The following ZBTB44 variants were observed in gnomAD, a reference collection of about 807,000 sequenced individuals.
ZBTB44 encodes the protein zinc finger and BTB domain-containing protein 44.
In ZBTB44, 15 loss-of-function variants were observed where a neutral mutation model predicts 54.0. The observed-to-expected ratio is 0.28, with a 90% CI of 0.19 to 0.43. The LOEUF (loss-of-function observed/expected upper bound fraction) is 0.43, where lower values mean the gene tolerates loss of function less well. Among genes scored for constraint, ZBTB44 ranks in the 20% least tolerant of loss-of-function variants. ZBTB44 has a pLI of 1.00. For synonymous variants in ZBTB44, 230 were observed against 250.1 expected, an observed-to-expected ratio of 0.92 and a Z score of 0.76; for missense variants, 487 against 707.1, an observed-to-expected ratio of 0.69 and a Z score of 3.53.
At chr11:130,259,044 C>T (rs1938653172) in intron 2 of ZBTB44, among the ~76,000 whole-genome samples, 1 of 152,166 alleles carries the variant, frequency 6.6e-6, no homozygotes, top group Non-Finnish European at 1.5e-5. Context: ...TCTTCAAGAA[C>T]TACAAACCAC....
At chr11:130,272,157 G>C (rs1939719666) in intron 1 of ZBTB44, among the ~76,000 whole-genome samples, 1 of 152,020 alleles carries the variant, frequency 6.6e-6, no homozygotes, top group Admixed American at 6.6e-5. Flanking sequence ...GCTTGAATCT[G>C]GGAGGCGGAG....
At chr11:130,234,615 C>G (rs943167410) in intron 5 of ZBTB44, among the ~76,000 whole-genome samples, 1 of 152,132 alleles carries the variant, frequency 6.6e-6, no homozygotes, top group Non-Finnish European at 1.5e-5. Context: ...CAAAGATCAT[C>G]TGAGTAACTT....
chr11:130,279,166 A>C (rs1266675397), intron 1 of ZBTB44, among the ~76,000 whole-genome samples: 1 of 151,624 alleles, frequency 6.6e-6, no homozygotes, highest in Non-Finnish European at 1.5e-5. Flanking sequence ...CACTTCCCCA[A>C]CCTCCACAAT....
intron 1 of ZBTB44, chr11:130,296,508 G>T: frequency 1.1e-6 from 1 of 913,634 alleles, no homozygotes; most frequent in South Asian, 1.5e-5. Flanking sequence ...GTGGCAAGAG[G>T]ACTGGACATT....
rs902424771 is a variant in ZBTB44 at position 130,229,413 on chromosome 11, G to A, written c.*2351C>T. 1 of 152,130 alleles carries A rather than the reference G, an allele frequency of 6.6e-6. No individual in the cohort carries two copies. The highest frequency in any genetic ancestry group is 2.4e-5 in the African/African-American group (1 of 41,448). The allele number at this position is 152,130 out of a possible 1,614,324, so 9.4% of individuals were successfully genotyped here. ...AACATCCAGAGAGCGACTGTTCTTA[G>A]TTGAGCCTGGGATTGAATCAATTCC... On this transcript the variant is annotated 3_prime_UTR_variant, in exon 8 of 8. Transcript: ENST00000357899.
chr11:130,255,703 T>C (rs1938374055), intron 2 of ZBTB44, among the ~76,000 whole-genome samples: 1 of 151,688 alleles, frequency 6.6e-6, no homozygotes, highest in Non-Finnish European at 1.5e-5. Context: ...CAATAAAAAA[T>C]GATAAAAGGG....
Position 130,277,087 on chromosome 11 carries a change from T to TA in ZBTB44, c.-56-15159dup, listed in dbSNP as rs138272899. On this transcript the variant is annotated intron_variant, in intron 1 of 7. Transcript: ENST00000357899. ...AGCTGGATAATGCTGTTTATAAACTTAGTCTGACAATCTCTGTCTTTTGAT... is the reference window on the plus strand; with the variant it reads ...AGCTGGATAATGCTGTTTATAAACTTAAGTCTGACAATCTCTGTCTTTTGAT... Among the ~76,000 whole-genome samples, 292 of 152,342 alleles carry TA rather than the reference T, an allele frequency of 1.9e-3. 3 individuals carry two copies. The highest frequency in any genetic ancestry group is 6.7e-3 in the African/African-American group (278 of 41,582).
chr11:130,303,654 A>C (rs1942104036), intron 1 of ZBTB44, among the ~76,000 whole-genome samples: 1 of 152,136 alleles, frequency 6.6e-6, no homozygotes, highest in Non-Finnish European at 1.5e-5. Flanking sequence ...CAAAACCAAA[A>C]CAAAAAAACC....
intron 1 of ZBTB44, among the ~76,000 whole-genome samples, chr11:130,265,684 A>G (rs1939199854): frequency 6.6e-6 from 1 of 152,234 alleles, no homozygotes; most frequent in Non-Finnish European, 1.5e-5. Context: ...TATTGCTGAC[A>G]TGCAGAAAGT....
Position 130,261,112 on chromosome 11 carries a change from T to C in ZBTB44, c.762A>G (p.Leu254=), listed in dbSNP as rs1256385865. ...CGGTCTCAGATGGGCCAGGTAATTC[T>C]AAAGTCCGGGTATTTTCTGCTTGCT... The part of the protein sequence containing the change: ...KVKQAENTRT[L]ELPGPSETGR... Residue 254 remains leucine (L), a synonymous_variant, in exon 2 of 8, where the codon TTA becomes TTG. Transcript: ENST00000357899. This position sits in a 1 kb window ranked among gnomAD's most constrained non-coding sequence, Gnocchi z 4.8. 1.2e-6 allele frequency: 2 copies of C among 1,613,934 alleles called. No individual in the cohort carries two copies. Among genetic ancestry groups the C allele is most frequent in the African/African-American group, 2.7e-5 (2 of 74,952 alleles).
chr11:130,303,612 G>A (rs982991199), intron 1 of ZBTB44, among the ~76,000 whole-genome samples: 1 of 151,988 alleles, frequency 6.6e-6, no homozygotes, highest in Non-Finnish European at 1.5e-5. Context: ...TCCGGCCTGG[G>A]CAACAAGAGC....
chr11:130,240,040 C>CCT, intron 2 of ZBTB44, 144 bp from the exon 3 acceptor site: 1 of 370,986 alleles, frequency 2.7e-6, no homozygotes, highest in Non-Finnish European at 4.8e-6. Context: ...TAGTGTTCTA[C>CCT]ATTTTTTTTT....
intron 1 of ZBTB44, among the ~76,000 whole-genome samples, chr11:130,263,394 G>A (rs114905315): frequency 9.6e-4 from 146 of 152,268 alleles, no homozygotes; most frequent in African/African-American, 3.2e-3. Flanking sequence ...TATATAAAGC[G>A]TTTTGTTCAT....
intron 2 of ZBTB44, among the ~76,000 whole-genome samples, chr11:130,247,474 T>G (rs1937627582): frequency 6.6e-6 from 1 of 152,196 alleles, no homozygotes; most frequent in Non-Finnish European, 1.5e-5. Flanking sequence ...TTGAAAATAT[T>G]TTGGTTATTC....
intron 1 of ZBTB44, among the ~76,000 whole-genome samples, chr11:130,307,655 T>C (rs1942353565): frequency 6.6e-6 from 1 of 152,150 alleles, no homozygotes; most frequent in African/African-American, 2.4e-5. Context: ...CCGTCCCATA[T>C]TATAATACCA....
chr11:130,311,382 T>G (rs1210970470), intron 1 of ZBTB44, among the ~76,000 whole-genome samples: 2 of 152,056 alleles, frequency 1.3e-5, no homozygotes, highest in Non-Finnish European at 2.9e-5. Flanking sequence ...CTAATTTTTT[T>G]ATTTTTTATA....
intron 2 of ZBTB44, among the ~76,000 whole-genome samples, chr11:130,250,933 G>T (rs1937947394): frequency 6.6e-6 from 1 of 152,204 alleles, no homozygotes; most frequent in Admixed American, 6.5e-5. Context: ...ACTGGACAGA[G>T]AATGAATTTG....
intron 7 of ZBTB44, 71 bp from the exon 8 acceptor site, chr11:130,231,786 G>C (rs1276975808): frequency 6.6e-6 from 1 of 151,970 alleles, no homozygotes. Flanking sequence ...AATTAATTTT[G>C]AGATTTATCT....
At chr11:130,257,360 A>G (rs1938525197) in intron 2 of ZBTB44, among the ~76,000 whole-genome samples, 1 of 152,072 alleles carries the variant, frequency 6.6e-6, no homozygotes, top group Non-Finnish European at 1.5e-5. Context: ...ATGCTGGATT[A>G]GGGTGGGACC....
Sources: gnomAD v4.1 joint callset for allele counts (sites outside exome capture counted in the v4.1 genomes callset) on GRCh38, gnomAD v4.1.1 for gene constraint, Gnocchi (gnomAD v3.1) non-coding constraint, MANE v1.5 for transcripts, NCBI Gene and HGNC (gene_info 2026-07-23, HGNC 2026-07-21) for gene names.